DGKB: variants seen among roughly 807,000 people sequenced by gnomAD.
DGKB encodes the protein diacylglycerol kinase beta.
In DGKB, 67 loss-of-function variants were observed where a neutral mutation model predicts 114.3. The ratio of observed to expected loss-of-function variants is 0.59; its 90% CI spans 0.48 to 0.72. The LOEUF is 0.72. DGKB is among the 30% of genes least tolerant of loss of function. DGKB has a pLI of 0.00. For missense variants in DGKB, 907 were observed against 975.2 expected (o/e 0.93, Z 0.93); for synonymous variants, 398 against 323.1 (o/e 1.23, Z -2.49).
intron 20 of DGKB, among the ~76,000 whole-genome samples, chr7:14,549,973 G>A (rs1794875528): frequency 6.6e-6 from 1 of 151,374 alleles, no homozygotes; most frequent in African/African-American, 2.4e-5. Flanking sequence ...TGCTGACAGA[G>A]CTAGACTGTC....
intron 1 of DGKB, among the ~76,000 whole-genome samples, chr7:14,912,292 G>C (rs1784040584): frequency 6.6e-6 from 1 of 152,106 alleles, no homozygotes; most frequent in African/African-American, 2.4e-5. Context: ...CAGTCCTATA[G>C]TGGTTTCTTT....
chr7:14,806,430 T>A (rs560913244), intron 2 of DGKB, among the ~76,000 whole-genome samples: 1 of 152,216 alleles, frequency 6.6e-6, no homozygotes, highest in South Asian at 2.1e-4. Context: ...TAACATTTAA[T>A]ACCTAGCTCT....
chr7:14,499,412 A>G (rs1395839704), intron 20 of DGKB, among the ~76,000 whole-genome samples: 1 of 141,568 alleles, frequency 7.1e-6, no homozygotes, highest in Non-Finnish European at 1.5e-5. Flanking sequence ...CAAAAGAAAT[A>G]TGGGTGAGTA....
intron 23 of DGKB, among the ~76,000 whole-genome samples, chr7:14,179,375 T>A (rs1189953860): frequency 6.6e-6 from 1 of 152,204 alleles, no homozygotes; most frequent in African/African-American, 2.4e-5. Flanking sequence ...TTTTTGTGTA[T>A]TTTCAAATAT....
upstream of DGKB, among the ~76,000 whole-genome samples, chr7:14,905,252 T>TTC (rs1056156285): frequency 2.6e-5 from 4 of 151,130 alleles, no homozygotes; most frequent in Non-Finnish European, 5.9e-5. Flanking sequence ...TAGTTTTTTT[T>TTC]TTTTTTTTTT....
intron 20 of DGKB, among the ~76,000 whole-genome samples, chr7:14,554,795 A>G (rs1354448265): frequency 6.6e-6 from 1 of 152,152 alleles, no homozygotes; most frequent in African/African-American, 2.4e-5. Flanking sequence ...AACTAAAAAT[A>G]TTAGGGATTT....
Position 14,575,169 on chromosome 7 carries a change from C to A in DGKB, c.1610-797G>T, listed in dbSNP as rs920408177. ...AAAACTAATAAATTTGCTAACACTT[C>A]TTTCTGGAAAGCACCCTTTCAAAAT... is the stretch of plus-strand genomic sequence containing the variant. On this transcript the variant is annotated intron_variant, in intron 19 of 25. Transcript: ENST00000402815. 1.7e-4 allele frequency among the ~76,000 whole-genome samples: 26 copies of A among 152,134 alleles called. 1 individual carries two copies. Among genetic ancestry groups the A allele is most frequent in the Non-Finnish European group, 2.9e-5 (2 of 68,028 alleles).
intron 6 of DGKB, among the ~76,000 whole-genome samples, chr7:14,704,660 C>T (rs1015592323): frequency 6.6e-6 from 1 of 152,000 alleles, no homozygotes; most frequent in African/African-American, 2.4e-5. Context: ...GGTCCCTAAC[C>T]CCTGACCCCT....
In DGKB at chr7:14,250,807, G is replaced by T. The variant is rs186951030; in HGVS notation, c.2123-72656C>A. 5.9e-5 allele frequency among the ~76,000 whole-genome samples: 9 copies of T among 152,232 alleles called. No individual in the cohort carries two copies. The East Asian group carries it at 7.7e-4, about 13-fold the overall frequency. ...AAATATTTGCTTTATATATTTAGGT[G>T]TGCCAATATTTGGTGCGTATATGCA... On this transcript the variant is annotated intron_variant, in intron 23 of 25. Transcript: ENST00000402815.
intron 23 of DGKB, among the ~76,000 whole-genome samples, chr7:14,320,589 CATATATATAGTACATATATGTGGTACAT>C (rs1417195006): frequency 6.6e-6 from 1 of 151,168 alleles, no homozygotes; most frequent in Non-Finnish European, 1.5e-5. Context: ...ATATATAGTA[CATATATATAGTACATATATGTGGTACAT>C]ATATATATAT....
chr7:14,283,543 C>T (rs1183251237), intron 23 of DGKB, among the ~76,000 whole-genome samples: 3 of 148,962 alleles, frequency 2.0e-5, no homozygotes. Flanking sequence ...CAAAAAAGAG[C>T]CCGCATCGCC....
chr7:14,326,559 ATTC>A (rs1808778160), intron 23 of DGKB, among the ~76,000 whole-genome samples: 1 of 152,134 alleles, frequency 6.6e-6, no homozygotes, highest in Non-Finnish European at 1.5e-5. Flanking sequence ...AGAAAACATT[ATTC>A]TCAAGAGATA....
Position 14,694,203 on chromosome 7 carries a change from G to A in DGKB, c.592-9C>T. 1.9e-6 allele frequency: 3 copies of A among 1,556,796 alleles called. No homozygotes were observed. The highest frequency in any genetic ancestry group is 2.4e-5 in the East Asian group (1 of 42,368). On this transcript the variant is annotated splice_polypyrimidine_tract_variant and intron_variant, in intron 8 of 25. Coordinates refer to ENST00000402815, the MANE Select transcript of DGKB (RefSeq NM_001350709.2). ...ATCATTTCATGGAGGATCTGGAGTA[G>A]AGGAGATAAGGGAAAATTGGTGGTC...
At chr7:14,218,452 A>G (rs1789363788) in intron 23 of DGKB, among the ~76,000 whole-genome samples, 2 of 152,096 alleles carry the variant, frequency 1.3e-5, no homozygotes, top group African/African-American at 4.8e-5. Context: ...GAAAACCACA[A>G]TGATATTTGC....
intron 23 of DGKB, among the ~76,000 whole-genome samples, chr7:14,331,186 T>C (rs575169149): frequency 6.8e-4 from 104 of 152,112 alleles, no homozygotes; most frequent in Non-Finnish European, 1.1e-3. Context: ...AGATAGCAAA[T>C]GTTTGGATCT....
At chr7:14,761,485 C>T (rs1439675003) in intron 2 of DGKB, among the ~76,000 whole-genome samples, 1 of 152,150 alleles carries the variant, frequency 6.6e-6, no homozygotes, top group Admixed American at 6.6e-5. Flanking sequence ...CATAAACATT[C>T]CTATCTTTTT....
At chr7:14,356,952 T>C (rs1814670249) in intron 21 of DGKB, among the ~76,000 whole-genome samples, 1 of 152,246 alleles carries the variant, frequency 6.6e-6, no homozygotes, top group Non-Finnish European at 1.5e-5. Context: ...CATTGCACTG[T>C]GGTCTGAAAG....
chr7:14,668,869 G>A (rs1156532972), intron 13 of DGKB, among the ~76,000 whole-genome samples: 3 of 151,976 alleles, frequency 2.0e-5, no homozygotes, highest in African/African-American at 7.3e-5. Flanking sequence ...CAAAAGACAC[G>A]GTCACATGAA....
chr7:14,959,755 C>G (rs1188043005), intron 1 of DGKB, among the ~76,000 whole-genome samples: 1 of 150,020 alleles, frequency 6.7e-6, no homozygotes. Flanking sequence ...TTAGATTTTA[C>G]CACTGAGATT....
Sources: allele counts gnomAD v4.1 joint callset (sites outside exome capture counted in the v4.1 genomes callset), GRCh38; gene constraint gnomAD v4.1.1; transcripts MANE v1.5; gene names NCBI Gene and HGNC (gene_info 2026-07-23, HGNC 2026-07-21).